PCDHA6: variants seen among roughly 807,000 people sequenced by gnomAD.
PCDHA6 encodes protocadherin alpha-6.
PCDHA6 carries 55 observed loss-of-function variants against 60.3 expected under a neutral mutation model. The observed-to-expected ratio is 0.91, with a 90% confidence interval of 0.73 to 1.14. The LOEUF (loss-of-function observed/expected upper bound fraction) is 1.14. Ranked by LOEUF, PCDHA6 falls within the 50% of genes most tolerant of loss-of-function variation. The pLI is 0.00. For synonymous variants in PCDHA6, 652 were observed against 557.9 expected, an observed-to-expected ratio of 1.17 and a Z score of -2.38; for missense variants, 1,327 against 1,256.5, an observed-to-expected ratio of 1.06 and a Z score of -0.85.
At position 140,849,713 on chromosome 5, in the gene PCDHA6, G is replaced by A. The variant is rs2150446260; in HGVS notation, c.2394+19228G>A. ...TGTCCACCTACAAGAATTACTACTC[G>A]TTGGTGCTGGACAGAGCTCTGGACC... On this transcript the variant is annotated intron_variant, in intron 1 of 3. Transcript: ENST00000529310. The A allele has an allele frequency of 6.6e-5, 105 of 1,598,450 alleles. 8 individuals carry two copies. Among genetic ancestry groups the A allele is most frequent in the Middle Eastern group, 1.7e-4 (1 of 5,910 alleles).
rs2150171112 is a variant in PCDHA6, at chr5:140,829,606, G to T, written c.1515G>T (p.Ser505=). ...GGCGGGTGGGCGAGCGCGCGTTGTCGAGCTACATTTCGGTGCACGCGGAGA... is the reference window on the plus strand; with the variant it reads ...GGCGGGTGGGCGAGCGCGCGTTGTCTAGCTACATTTCGGTGCACGCGGAGA... ...VERRVGERAL[S]SYISVHAESG... The change falls in exon 1 of 4, where the codon TCG becomes TCT. Residue 505 remains serine, a synonymous_variant. Coordinates refer to ENST00000529310, the MANE Select transcript of PCDHA6 (RefSeq NM_018909.4). 9 of 1,611,952 alleles carry T rather than the reference G, an allele frequency of 5.6e-6. No homozygotes were observed. The highest frequency in any genetic ancestry group is 1.3e-5 in the African/African-American group (1 of 74,876).
intron 1 of PCDHA6, among the ~76,000 whole-genome samples, chr5:140,898,597 G>T (rs1452719602): frequency 6.6e-6 from 1 of 152,186 alleles, no homozygotes; most frequent in Non-Finnish European, 1.5e-5. Context: ...CTGTAGCCTT[G>T]TAGTATAGTT....
At chr5:140,868,961 A>G in intron 1 of PCDHA6, 1 of 1,418,552 alleles carries the variant, frequency 7.0e-7, no homozygotes, top group Non-Finnish European at 9.5e-7. Context: ...ACTCCCATAC[A>G]AAGGAACTCC....
intron 1 of PCDHA6, among the ~76,000 whole-genome samples, chr5:140,952,279 T>C (rs1222400527): frequency 6.7e-6 from 1 of 149,858 alleles, no homozygotes; most frequent in Non-Finnish European, 1.5e-5. Flanking sequence ...TTGAGGGTGG[T>C]GGCCCTCTTC....
chr5:140,836,096 T>C (rs2150252750), intron 1 of PCDHA6: 1 of 1,613,590 alleles, frequency 6.2e-7, no homozygotes, highest in Non-Finnish European at 8.5e-7. Flanking sequence ...CTCGGGTGGG[T>C]GGCACTGGTG....
At chr5:141,008,923 C>T (rs2098394604) in intron 3 of PCDHA6, among the ~76,000 whole-genome samples, 1 of 152,160 alleles carries the variant, frequency 6.6e-6, no homozygotes. Flanking sequence ...ATTTATTCAG[C>T]TAATTTTTCT....
At chr5:140,913,144 A>T (rs1473490766) in intron 1 of PCDHA6, among the ~76,000 whole-genome samples, 4 of 152,180 alleles carry the variant, frequency 2.6e-5, no homozygotes, top group Non-Finnish European at 5.9e-5. Context: ...TTTTTGGAAT[A>T]GTTTGAGTAG....
chr5:140,984,413 C>A lies in PCDHA6; in HGVS notation c.2542+1850C>A, dbSNP rs75063168. Among the ~76,000 whole-genome samples, 1,502 of 152,262 alleles carry A rather than the reference C, an allele frequency of 9.9e-3. 20 individuals carry two copies. Among genetic ancestry groups the A allele is most frequent in the African/African-American group, 0.035 (1,434 of 41,536 alleles). On this transcript the variant is annotated intron_variant, in intron 3 of 3. Transcript: ENST00000529310. ...AAATGTTGAGAACCTATCTTTTTTA[C>A]AGAGATAGAGAAGGGGATCTCCCTT...
chr5:140,898,628 C>T (rs1305030651), intron 1 of PCDHA6, among the ~76,000 whole-genome samples: 2 of 152,176 alleles, frequency 1.3e-5, no homozygotes, highest in African/African-American at 4.8e-5. Context: ...TAGCATAATG[C>T]CTCCAGCTTT....
chr5:140,962,944 G>T (rs572517623), intron 1 of PCDHA6, among the ~76,000 whole-genome samples: 1 of 152,158 alleles, frequency 6.6e-6, no homozygotes, highest in East Asian at 1.9e-4. Flanking sequence ...CTCTCCATAA[G>T]ATATGCTCTA....
intron 1 of PCDHA6, among the ~76,000 whole-genome samples, chr5:140,900,046 G>A (rs896570608): frequency 2.4e-4 from 36 of 152,294 alleles, no homozygotes; most frequent in Admixed American, 1.6e-3. Context: ...CTGGGCTCAA[G>A]TGATCCTTTA....
At chr5:140,941,334 T>C (rs1398027134) in intron 1 of PCDHA6, among the ~76,000 whole-genome samples, 2 of 133,354 alleles carry the variant, frequency 1.5e-5, no homozygotes, top group African/African-American at 5.5e-5. Flanking sequence ...TTTTTTTTTT[T>C]CAGATGGAGT....
At chr5:140,898,573 T>C (rs1161265188) in intron 1 of PCDHA6, among the ~76,000 whole-genome samples, 3 of 152,250 alleles carry the variant, frequency 2.0e-5, no homozygotes, top group Non-Finnish European at 4.4e-5. Flanking sequence ...ACCAGTGCCA[T>C]GCTGTTTTGG....
chr5:140,885,561 T>G (rs1378492280), intron 1 of PCDHA6, among the ~76,000 whole-genome samples: 2 of 152,192 alleles, frequency 1.3e-5, no homozygotes, highest in African/African-American at 4.8e-5. Context: ...TCTACGAAAT[T>G]GATTGTCAGA....
chr5:140,873,432 T>A (rs992972839), intron 1 of PCDHA6, among the ~76,000 whole-genome samples: 5 of 152,212 alleles, frequency 3.3e-5, no homozygotes, highest in African/African-American at 7.2e-5. Flanking sequence ...TTATTTTATA[T>A]CACATAAATA....
chr5:140,841,669 T>A, intron 1 of PCDHA6: 1 of 1,614,020 alleles, frequency 6.2e-7, no homozygotes, highest in East Asian at 2.2e-5. Flanking sequence ...CGCTGCAGGT[T>A]TTCCATGTGG....
intron 1 of PCDHA6, chr5:140,853,687 T>C (rs1025605569): frequency 3.0e-6 from 3 of 988,362 alleles, no homozygotes; most frequent in African/African-American, 3.5e-5. Context: ...AACCTATCCT[T>C]AGACCTGCTA....
At chr5:140,911,066 A>C (rs1166409987) in intron 1 of PCDHA6, among the ~76,000 whole-genome samples, 1 of 152,042 alleles carries the variant, frequency 6.6e-6, no homozygotes, top group Non-Finnish European at 1.5e-5. Flanking sequence ...GTGGGTCCTG[A>C]GGAGAATCAA....
chr5:140,966,816 G>A lies in PCDHA6; in HGVS notation c.2395-12133G>A, dbSNP rs1448171487. On this transcript the variant is annotated intron_variant, in intron 1 of 3. Transcript: ENST00000529310. ...GCGGCGACAGAGCATCCACGGCTCC[G>A]GCGGCCCATGCCCTGGCTGCTGCTA... 5.2e-6 allele frequency: 8 copies of A among 1,553,302 alleles called. No homozygotes were observed. The East Asian group carries it at 7.2e-5, about 14-fold the overall frequency.
Sources: gnomAD v4.1 joint callset for allele counts (sites outside exome capture counted in the v4.1 genomes callset) on GRCh38, gnomAD v4.1.1 for gene constraint, MANE v1.5 for transcripts, NCBI Gene and HGNC (gene_info 2026-07-23, HGNC 2026-07-21) for gene names.